The following PDLIM1 variants were observed in gnomAD, a reference collection of about 807,000 sequenced individuals.
The protein encoded by PDLIM1 is PDZ and LIM domain protein 1.
PDLIM1 carries 25 observed loss-of-function variants against 35.2 expected under a neutral mutation model. The observed-to-expected ratio is 0.71, with a 90% confidence interval of 0.52 to 0.99. The LOEUF (loss-of-function observed/expected upper bound fraction) is 0.99, where lower values mean the gene tolerates loss of function less well. Ranked by LOEUF, PDLIM1 falls within the 50% of genes least tolerant of loss-of-function variation. PDLIM1 has a pLI of 0.00. For missense variants in PDLIM1, 363 were observed against 415.3 expected, an observed-to-expected ratio of 0.87 and a Z score of 1.09; for synonymous variants, 152 against 154.0, an observed-to-expected ratio of 0.99 and a Z score of 0.10.
chr10:95,254,519 G>A (rs1393407107), intron 4 of PDLIM1, among the ~76,000 whole-genome samples: 5 of 152,120 alleles, frequency 3.3e-5, no homozygotes, highest in African/African-American at 1.2e-4. Context: ...GAACTGAAAG[G>A]AAAAGAGACA....
chr10:95,241,644 T>C (rs1167991903), intron 5 of PDLIM1, among the ~76,000 whole-genome samples: 3 of 151,964 alleles, frequency 2.0e-5, no homozygotes, highest in Admixed American at 6.6e-5. Flanking sequence ...CTCGATGGAG[T>C]AGACTTCCCC....
Position 95,247,202 on chromosome 10 carries a change from T to G in PDLIM1, c.685+13A>C. 6.2e-7 allele frequency: 1 copy of G among 1,609,906 alleles called. No homozygotes were observed. The highest frequency in any genetic ancestry group is 8.5e-7 in the Non-Finnish European group (1 of 1,178,176). ...TTGAACAAGAGCCTCTGACTGCAGA[T>G]GGAGCTGATTACCTTTTTCTTCAGA... is the stretch of plus-strand genomic sequence containing the variant. On this transcript the variant is annotated intron_variant, in intron 5 of 6. Coordinates refer to ENST00000329399, the MANE Select transcript of PDLIM1 (RefSeq NM_020992.4).
intron 4 of PDLIM1, among the ~76,000 whole-genome samples, chr10:95,263,410 T>C (rs1164981793): frequency 6.6e-6 from 1 of 152,130 alleles, no homozygotes; most frequent in African/African-American, 2.4e-5. Flanking sequence ...TCACCAAAAC[T>C]ATGCAGCATG....
intron 4 of PDLIM1, among the ~76,000 whole-genome samples, chr10:95,250,735 C>T (rs1374828796): frequency 2.0e-5 from 3 of 152,236 alleles, no homozygotes; most frequent in Admixed American, 6.5e-5. Context: ...CTTCTGAACC[C>T]ACTCTATACA....
At chr10:95,278,006 C>A (rs1455396438) in intron 1 of PDLIM1, among the ~76,000 whole-genome samples, 2 of 152,204 alleles carry the variant, frequency 1.3e-5, no homozygotes, top group Non-Finnish European at 2.9e-5. Flanking sequence ...TGGATGCATA[C>A]CCATGACAAA....
chr10:95,249,083 C>T (rs2035246337), intron 4 of PDLIM1, among the ~76,000 whole-genome samples: 2 of 152,244 alleles, frequency 1.3e-5, no homozygotes, highest in South Asian at 4.1e-4. Flanking sequence ...GCCTGTCTTG[C>T]TCCCCATCAC....
chr10:95,238,508 C>T, intron 6 of PDLIM1, 60 bp downstream of exon 6: 2 of 1,071,510 alleles, frequency 1.9e-6, no homozygotes, highest in Non-Finnish European at 1.5e-6. Context: ...GCACTTTCCA[C>T]ATTTTCATGG....
intron 4 of PDLIM1, among the ~76,000 whole-genome samples, chr10:95,253,129 G>A (rs1282955472): frequency 6.6e-6 from 1 of 152,052 alleles, no homozygotes; most frequent in Non-Finnish European, 1.5e-5. Context: ...AGCAGTAGGA[G>A]AAAAATGACG....
intron 4 of PDLIM1, among the ~76,000 whole-genome samples, chr10:95,262,520 C>A (rs1260314166): frequency 1.3e-5 from 2 of 152,172 alleles, no homozygotes; most frequent in Admixed American, 1.3e-4. Context: ...GAAATGAGAC[C>A]TGCATGAGGC....
chr10:95,271,741 C>G lies in PDLIM1; in HGVS notation c.140G>C (p.Gly47Ala), dbSNP rs776219819. Residue 47 changes from glycine to alanine, a missense_variant, in exon 2 of 7, where the codon GGA becomes GCA. Transcript: ENST00000329399. ...CCCATCAATGGCTGTGATTACATCT[C>G]CAATACATAAATTAGCTAGAGCCGC... ...SKAALANLCI[G>A]DVITAIDGEN... 7.4e-6 allele frequency: 12 copies of G among 1,612,830 alleles called. No homozygotes were observed. The highest frequency in any genetic ancestry group is 1.0e-5 in the Non-Finnish European group (12 of 1,179,554).
At chr10:95,282,363 C>T (rs1467167856) in intron 1 of PDLIM1, among the ~76,000 whole-genome samples, 1 of 152,196 alleles carries the variant, frequency 6.6e-6, no homozygotes, top group Non-Finnish European at 1.5e-5. Context: ...TATGCATTTA[C>T]ACAGGGTGAC....
At chr10:95,287,880 C>G (rs1052959987) in intron 1 of PDLIM1, among the ~76,000 whole-genome samples, 3 of 150,900 alleles carry the variant, frequency 2.0e-5, no homozygotes, top group Non-Finnish European at 2.9e-5. Flanking sequence ...GATAACGATA[C>G]TAGATGAAAA....
intron 1 of PDLIM1, among the ~76,000 whole-genome samples, chr10:95,280,153 A>T (rs1359097860): frequency 1.3e-5 from 2 of 152,182 alleles, no homozygotes; most frequent in African/African-American, 2.4e-5. Flanking sequence ...GGGTGGGTGG[A>T]TCACTAGAGG....
intron 4 of PDLIM1, among the ~76,000 whole-genome samples, chr10:95,248,513 G>A (rs936783956): frequency 2.0e-5 from 3 of 152,224 alleles, no homozygotes; most frequent in South Asian, 2.1e-4. Flanking sequence ...CTCCCAAAGC[G>A]CTAGGATTAT....
Position 95,237,776 on chromosome 10 carries a change from T to C in PDLIM1, c.*149A>G, listed in dbSNP as rs1169161528. Reference sequence around the variant, plus strand: ...GCATCGCACAGCTGGTGTGAGTCAATTAACCAAGGCAGGGAGGGGACTCAA... The same window carrying C: ...GCATCGCACAGCTGGTGTGAGTCAACTAACCAAGGCAGGGAGGGGACTCAA... On this transcript the variant is annotated 3_prime_UTR_variant, in exon 7 of 7. Coordinates refer to ENST00000329399, the MANE Select transcript of PDLIM1 (RefSeq NM_020992.4). 3.1e-6 allele frequency: 2 copies of C among 640,728 alleles called. No homozygotes were observed. Among genetic ancestry groups the C allele is most frequent in the Non-Finnish European group, 5.4e-6 (2 of 372,064 alleles). 39.7% of individuals were successfully genotyped at this position (640,728 alleles called of 1,614,324 possible).
chr10:95,287,267 C>T (rs1429139197), intron 1 of PDLIM1, among the ~76,000 whole-genome samples: 1 of 152,170 alleles, frequency 6.6e-6, no homozygotes, highest in African/African-American at 2.4e-5. Flanking sequence ...ACATTTCCTG[C>T]TTTTCATAAT....
chr10:95,239,156 T>C (rs1167804932), intron 5 of PDLIM1, among the ~76,000 whole-genome samples: 3 of 152,026 alleles, frequency 2.0e-5, no homozygotes, highest in Non-Finnish European at 2.9e-5. Flanking sequence ...ATGCAGAAAA[T>C]TGAAACTGGA....
chr10:95,269,409 T>TAA, intron 2 of PDLIM1, among the ~76,000 whole-genome samples: 1 of 151,650 alleles, frequency 6.6e-6, no homozygotes, highest in Middle Eastern at 3.4e-3. Context: ...CCATCTCCAC[T>TAA]AAAAATACAA....
chr10:95,248,047 A>G (rs1375320856), intron 4 of PDLIM1, among the ~76,000 whole-genome samples: 1 of 152,190 alleles, frequency 6.6e-6, no homozygotes, highest in Non-Finnish European at 1.5e-5. Context: ...CCAGAACAAG[A>G]TAAGACAGGC....
Sources: allele counts gnomAD v4.1 joint callset (sites outside exome capture counted in the v4.1 genomes callset), GRCh38; gene constraint gnomAD v4.1.1; transcripts MANE v1.5; gene names NCBI Gene and HGNC (gene_info 2026-07-23, HGNC 2026-07-21).